The following RARB variants were observed in gnomAD, a reference collection of about 807,000 sequenced individuals.
The protein encoded by RARB is HBV-activated protein.
RARB carries 17 observed loss-of-function variants against 51.9 expected under a neutral mutation model. That is an observed-to-expected ratio of 0.33 (90% CI 0.22 to 0.49). The LOEUF (loss-of-function observed/expected upper bound fraction) is 0.49, where lower values mean the gene tolerates loss of function less well. Ranked by LOEUF, RARB falls within the 20% of genes least tolerant of loss-of-function variation. The probability of loss-of-function intolerance (pLI) is 0.99; values close to 1 mark genes in which losing one functional copy is unlikely to be tolerated. For synonymous variants in RARB, 215 were observed against 195.4 expected, an observed-to-expected ratio of 1.10 and a Z score of -0.84; for missense variants, 369 against 550.8, an observed-to-expected ratio of 0.67 and a Z score of 3.30.
chr3:25,353,588 T>G (rs1705642338), intron 5 of RARB, among the ~76,000 whole-genome samples: 1 of 151,754 alleles, frequency 6.6e-6, no homozygotes, highest in African/African-American at 2.4e-5. Context: ...GCTGAGATTT[T>G]TTTTTTTTTT....
intron 2 of RARB, among the ~76,000 whole-genome samples, chr3:24,916,279 A>C (rs1027240093): frequency 1.3e-5 from 2 of 152,138 alleles, no homozygotes; most frequent in African/African-American, 4.8e-5. Context: ...AAAGTTGAAA[A>C]GAATCTTAAG....
intron 5 of RARB, among the ~76,000 whole-genome samples, chr3:25,331,288 C>T (rs1559360217): frequency 6.6e-6 from 1 of 152,208 alleles, no homozygotes; most frequent in African/African-American, 2.4e-5. Context: ...AAGCACTCCT[C>T]AGAAAATATA....
intron 2 of RARB, among the ~76,000 whole-genome samples, chr3:24,988,824 ATTTAT>A (rs1696849903): frequency 1.3e-5 from 2 of 151,826 alleles, no homozygotes; most frequent in Admixed American, 6.6e-5. Flanking sequence ...TATTATTTTT[ATTTAT>A]TTATTTTTAT....
chr3:24,976,163 C>T (rs1303968735), intron 2 of RARB, among the ~76,000 whole-genome samples: 1 of 152,126 alleles, frequency 6.6e-6, no homozygotes, highest in Non-Finnish European at 1.5e-5. Flanking sequence ...TTAATCTAGT[C>T]TATTATTGAT....
chr3:25,009,902 T>A (rs986871690), intron 2 of RARB, among the ~76,000 whole-genome samples: 1 of 152,080 alleles, frequency 6.6e-6, no homozygotes. Context: ...CTGAACCCGA[T>A]TTGAACCTTT....
At chr3:25,036,960 G>T (rs1698008327) in intron 2 of RARB, among the ~76,000 whole-genome samples, 1 of 152,192 alleles carries the variant, frequency 6.6e-6, no homozygotes, top group African/African-American at 2.4e-5. Flanking sequence ...GCTCAGTGAG[G>T]ATAGGGATTT....
chr3:25,266,299 T>G (rs1267484487), intron 5 of RARB, among the ~76,000 whole-genome samples: 1 of 152,136 alleles, frequency 6.6e-6, no homozygotes, highest in East Asian at 1.9e-4. Context: ...AAATGGAAAT[T>G]TTTTCTATCA....
chr3:24,877,346 C>CTTTTTTGTTTTTTTTTTTTT (rs1703066107), intron 2 of RARB, among the ~76,000 whole-genome samples: 1 of 81,892 alleles, frequency 1.2e-5, no homozygotes, highest in African/African-American at 5.1e-5. Context: ...AGCAATCTTA[C>CTTTTTTGTTTTTTTTTTTTT]TTTTTTTTTT....
At chr3:25,491,874 G>A (rs1483526282) in intron 2 of RARB, among the ~76,000 whole-genome samples, 1 of 152,016 alleles carries the variant, frequency 6.6e-6, no homozygotes, top group Admixed American at 6.6e-5. Context: ...CCAAGAAGCG[G>A]AGGTTGTAGT....
intron 5 of RARB, among the ~76,000 whole-genome samples, chr3:25,291,790 G>C (rs1480894609): frequency 2.6e-5 from 4 of 151,864 alleles, no homozygotes; most frequent in African/African-American, 9.7e-5. Flanking sequence ...GGCTGTCCAC[G>C]GGCTAATTTA....
chr3:25,553,729 G>A (rs1394444438), intron 3 of RARB, among the ~76,000 whole-genome samples: 2 of 152,134 alleles, frequency 1.3e-5, no homozygotes, highest in African/African-American at 4.8e-5. Flanking sequence ...CAACCTGGCA[G>A]GATTGGACGC....
At position 25,470,126 on chromosome 3, in the gene RARB, G is replaced by A. The variant is rs542724185; in HGVS notation, c.306+8785G>A. ...GTAATCTCTGCAATTTCACAGCTGG[G>A]TCTCCATACCTGGTTTGTTTAAAAA... On this transcript the variant is annotated intron_variant, in intron 2 of 7. Coordinates refer to ENST00000330688, the MANE Select transcript of RARB (RefSeq NM_000965.5). Among the ~76,000 whole-genome samples, 157 of 152,274 alleles carry A rather than the reference G, an allele frequency of 1.0e-3. 3 individuals carry two copies. In the South Asian group the frequency reaches 0.016, roughly 16 times the overall value.
At chr3:25,164,971 T>C (rs1700536109) in intron 4 of RARB, among the ~76,000 whole-genome samples, 1 of 152,162 alleles carries the variant, frequency 6.6e-6, no homozygotes, top group African/African-American at 2.4e-5. Flanking sequence ...CCTTCAGCCA[T>C]GGTCTGTGAT....
intron 5 of RARB, among the ~76,000 whole-genome samples, chr3:25,176,531 G>T (rs1203611438): frequency 6.6e-6 from 1 of 151,106 alleles, no homozygotes; most frequent in Non-Finnish European, 1.5e-5. Context: ...GAGTGACTGG[G>T]ACTACAGGCA....
At chr3:25,558,573 T>C (rs1700149898) in intron 3 of RARB, among the ~76,000 whole-genome samples, 1 of 151,366 alleles carries the variant, frequency 6.6e-6, no homozygotes. Flanking sequence ...TCACCTTAGA[T>C]TGTTCATCCT....
At chr3:25,307,301 C>T (rs1439003904) in intron 5 of RARB, among the ~76,000 whole-genome samples, 4 of 151,944 alleles carry the variant, frequency 2.6e-5, no homozygotes, top group East Asian at 1.9e-4. Context: ...GCACAAGAAT[C>T]GCTTGAACCT....
rs141783743 is a variant in RARB at position 24,905,496 on chromosome 3, C to T, written c.-380+46744C>T. On this transcript the variant is annotated intron_variant, in intron 2 of 11. Transcript: ENST00000383772. The stretch of plus-strand genomic sequence containing the variant: ...TGATGGGCTGACTCATTCCTCTCTA[C>T]GGATGTCCACATGACACAGTTCTGG... Among the ~76,000 whole-genome samples, 437 of 152,306 alleles carry T rather than the reference C, an allele frequency of 2.9e-3. 2 individuals carry two copies. The highest frequency in any genetic ancestry group is 0.01 in the African/African-American group (416 of 41,572).
intron 5 of RARB, among the ~76,000 whole-genome samples, chr3:25,262,001 A>T (rs1272142297): frequency 1.3e-5 from 2 of 152,180 alleles, no homozygotes; most frequent in African/African-American, 4.8e-5. Context: ...TTTTCAAAAC[A>T]TAAACCTGAC....
At chr3:24,990,120 C>T (rs1432661953) in intron 2 of RARB, among the ~76,000 whole-genome samples, 1 of 30,998 alleles carries the variant, frequency 3.2e-5, no homozygotes, top group African/African-American at 1.4e-4. Context: ...TATAATGGAA[C>T]TTTTCTTTTT....
Sources: gnomAD v4.1 joint callset for allele counts (sites outside exome capture counted in the v4.1 genomes callset) on GRCh38, gnomAD v4.1.1 for gene constraint, MANE v1.5 for transcripts, NCBI Gene and HGNC (gene_info 2026-07-23, HGNC 2026-07-21) for gene names.